The following TP53BP1 variants were observed in gnomAD, a reference collection of about 807,000 sequenced individuals.
TP53BP1 encodes the protein TP53-binding protein 1.
Under a neutral mutation model 200.8 loss-of-function variants are expected in TP53BP1, and 61 were observed. The observed-to-expected ratio is 0.30, with a 90% confidence interval of 0.25 to 0.38. The LOEUF (loss-of-function observed/expected upper bound fraction) is 0.38. Among genes scored for constraint, TP53BP1 ranks in the 10% least tolerant of loss-of-function variants. The pLI is 1.00. For synonymous variants in TP53BP1, 822 were observed against 844.3 expected (o/e 0.97, Z 0.46); for missense variants, 2,144 against 2,371.9 (o/e 0.90, Z 2.00).
At chr15:43,504,196 C>G (rs185529045) in intron 1 of TP53BP1, among the ~76,000 whole-genome samples, 1 of 152,056 alleles carries the variant, frequency 6.6e-6, no homozygotes, top group African/African-American at 2.4e-5. Context: ...CAAGCTGGAG[C>G]GCACTGGCAC....
At chr15:43,480,870 T>C (rs1010758190) in intron 5 of TP53BP1, 25 bp downstream of exon 5, 3 of 1,613,518 alleles carry the variant, frequency 1.9e-6, no homozygotes, top group Admixed American at 3.3e-5. Flanking sequence ...AACAGTCTAT[T>C]ATTCTGAAAA....
At chr15:43,442,432 A>C (rs2045946577) in intron 14 of TP53BP1, among the ~76,000 whole-genome samples, 1 of 152,010 alleles carries the variant, frequency 6.6e-6, no homozygotes, top group African/African-American at 2.4e-5. Flanking sequence ...CACTTCCACC[A>C]ATCAATTTTC....
intron 12 of TP53BP1, among the ~76,000 whole-genome samples, chr15:43,453,718 T>C (rs1595574409): frequency 6.6e-6 from 1 of 151,950 alleles, no homozygotes; most frequent in Non-Finnish European, 1.5e-5. Context: ...CTAATTTTTG[T>C]ATTTTTAGTA....
chr15:43,435,182 G>A (rs865995373), intron 16 of TP53BP1, among the ~76,000 whole-genome samples: 22 of 137,486 alleles, frequency 1.6e-4, no homozygotes, highest in South Asian at 2.3e-4. Flanking sequence ...AGAATCCCTC[G>A]AACCTGGGAG....
chr15:43,409,811 T>A, intron 24 of TP53BP1, 70 bp from the exon 25 acceptor site: 1 of 711,552 alleles, frequency 1.4e-6, no homozygotes, highest in Non-Finnish European at 2.2e-6. Context: ...TATGCCTCCT[T>A]CTTACTGCCC....
In TP53BP1 at chr15:43,474,732, G is replaced by A. The variant is rs1189272860; in HGVS notation, c.1121C>T (p.Ala374Val). ...AACGATAAAAGGAGTAGATCGGAAA[G>A]CATCAGGAGAAGGAGCAACAAGATC... ...SSDLVAPSPD[A>V]FRSTPFIVPS... Residue 374 changes from alanine (A) to valine (V), a missense_variant, in exon 10 of 28, where the codon GCT becomes GTT. Transcript: ENST00000382044. The A allele has an allele frequency of 1.9e-6, 3 of 1,613,508 alleles. No homozygotes were observed. The highest frequency in any genetic ancestry group is 1.6e-4 in the Middle Eastern group (1 of 6,062).
chr15:43,493,377 G>A (rs2079156986), upstream of TP53BP1, among the ~76,000 whole-genome samples: 1 of 152,150 alleles, frequency 6.6e-6, no homozygotes, highest in Non-Finnish European at 1.5e-5. Flanking sequence ...GGGACCTTGA[G>A]AGGGCGTGAA....
intron 18 of TP53BP1, among the ~76,000 whole-genome samples, chr15:43,422,931 C>T (rs1266111376): frequency 1.3e-5 from 2 of 151,666 alleles, no homozygotes; most frequent in Admixed American, 6.6e-5. Context: ...GAAGTCAAGG[C>T]TGCAGTGAGC....
chr15:43,469,995 CA>C lies in TP53BP1; in HGVS notation c.1251del (p.Glu418AsnfsTer5). On this transcript the variant is annotated frameshift_variant, in exon 11 of 28. Transcript: ENST00000382044. LOFTEE classifies it high-confidence loss of function. ...GGGGGGTTTTCTAACTCCACTGGTT[CA>C]CCACTTTGAAGTTTCTTCTGAAAAG... ...GEPFQKKLQS[G>X]EPVELENPPL... is the part of the protein sequence containing the mutation. 1 of 1,613,854 alleles carries C rather than the reference CA, an allele frequency of 6.2e-7. No individual in the cohort carries two copies. The highest frequency in any genetic ancestry group is 8.5e-7 in the Non-Finnish European group (1 of 1,180,004).
intron 1 of TP53BP1, among the ~76,000 whole-genome samples, chr15:43,509,864 A>G (rs373860714): frequency 6.6e-6 from 1 of 151,938 alleles, no homozygotes; most frequent in Non-Finnish European, 1.5e-5. Context: ...AAAACAAAAC[A>G]AAACAAAAAA....
At chr15:43,490,670 G>A (rs531740166) in intron 4 of TP53BP1, among the ~76,000 whole-genome samples, 356 of 152,304 alleles carry the variant, frequency 2.3e-3, no homozygotes, top group Non-Finnish European at 3.1e-3. Flanking sequence ...TGGGGCGGAA[G>A]ACTGAGAAGC....
At chr15:43,451,526 A>C (rs1289246703) in intron 12 of TP53BP1, among the ~76,000 whole-genome samples, 1 of 152,120 alleles carries the variant, frequency 6.6e-6, no homozygotes, top group Non-Finnish European at 1.5e-5. Context: ...ATCATTTTTT[A>C]TGGCTGCATA....
At chr15:43,446,732 A>G (rs1054459349) in intron 13 of TP53BP1, 142 bp from the exon 14 acceptor site, 45 of 1,515,254 alleles carry the variant, frequency 3.0e-5, no homozygotes, top group Middle Eastern at 4.3e-4. Flanking sequence ...GATCCCTGTC[A>G]TAAGTATCAA....
intron 11 of TP53BP1, among the ~76,000 whole-genome samples, chr15:43,465,411 TG>T (rs1472048306): frequency 6.6e-6 from 1 of 152,110 alleles, no homozygotes; most frequent in African/African-American, 2.4e-5. Context: ...ATATAGCCAC[TG>T]TTTTTTTAAT....
In TP53BP1 at chr15:43,474,691, C is replaced by G. The variant is rs1463050580; in HGVS notation, c.1162G>C (p.Glu388Gln). ...AGCTCACCTTGTCTCCCTTCTTGCT[C>G]TGTGGGACTGCTAGGAACGATAAAA... is the stretch of plus-strand genomic sequence containing the variant. ...TPFIVPSSPT[E>Q]QEGRQDKPMD... is the part of the protein sequence containing the mutation. Residue 388 changes from glutamate to glutamine, a missense_variant, in exon 10 of 28, where the codon GAG becomes CAG. Physicochemically the swap from Glu to Gln is conservative, Grantham distance 29 (BLOSUM62 2). Coordinates refer to ENST00000382044, the MANE Select transcript of TP53BP1 (RefSeq NM_001141980.3). 3.1e-6 allele frequency: 5 copies of G among 1,612,286 alleles called. No individual in the cohort carries two copies. The highest frequency in any genetic ancestry group is 4.2e-6 in the Non-Finnish European group (5 of 1,178,478).
At chr15:43,447,830 A>G (rs1595567046) in intron 12 of TP53BP1, among the ~76,000 whole-genome samples, 2 of 152,246 alleles carry the variant, frequency 1.3e-5, no homozygotes, top group South Asian at 4.1e-4. Context: ...GGGGATATTT[A>G]GCAATACAAA....
intron 1 of TP53BP1, among the ~76,000 whole-genome samples, chr15:43,507,961 C>T (rs911035783): frequency 7.2e-5 from 11 of 152,250 alleles, no homozygotes; most frequent in Admixed American, 1.3e-4. Context: ...GCAATCCACC[C>T]GCCTCAGTCT....
upstream of TP53BP1, among the ~76,000 whole-genome samples, chr15:43,493,444 C>G (rs1201200628): frequency 1.3e-5 from 2 of 152,160 alleles, no homozygotes; most frequent in African/African-American, 4.8e-5. Flanking sequence ...CATTTCAGTA[C>G]CTCTACCTGC....
intron 14 of TP53BP1, among the ~76,000 whole-genome samples, chr15:43,445,646 T>A (rs1033579622): frequency 4.6e-5 from 7 of 152,184 alleles, no homozygotes; most frequent in Non-Finnish European, 1.5e-5. Flanking sequence ...GGGAGTACTA[T>A]TATGGAAATG....
Sources: gnomAD v4.1 joint callset for allele counts (sites outside exome capture counted in the v4.1 genomes callset) on GRCh38, gnomAD v4.1.1 for gene constraint, MANE v1.5 for transcripts, NCBI Gene and HGNC (gene_info 2026-07-23, HGNC 2026-07-21) for gene names.